The following ACSM2A variants were observed in gnomAD, a reference collection of about 807,000 sequenced individuals.
ACSM2A encodes the protein acyl-coenzyme A synthetase ACSM2A, mitochondrial.
Under a neutral mutation model 76.6 loss-of-function variants are expected in ACSM2A, and 72 were observed. That is an observed-to-expected ratio of 0.94 (90% CI 0.78 to 1.14). The LOEUF (loss-of-function observed/expected upper bound fraction) is 1.14. Ranked by LOEUF, ACSM2A falls within the 50% of genes most tolerant of loss-of-function variation. The pLI, the probability that ACSM2A is intolerant of heterozygous loss-of-function variation, is 0.00. For missense variants in ACSM2A, 684 were observed against 708.5 expected (o/e 0.97, Z 0.39); for synonymous variants, 249 against 255.9 (o/e 0.97, Z 0.26).
chr16:20,465,437 T>C, intron 2 of ACSM2A, 80 bp from the exon 3 acceptor site: 1 of 1,545,960 alleles, frequency 6.5e-7, no homozygotes, highest in Non-Finnish European at 8.8e-7. Context: ...AGCACCAACT[T>C]GGCAATCCCA....
intron 12 of ACSM2A, chr16:20,482,281 CAG>C (rs1249148092): frequency 6.6e-6 from 1 of 151,842 alleles, no homozygotes; most frequent in Non-Finnish European, 1.5e-5. Flanking sequence ...GTATTTGAAT[CAG>C]AGTCTGATTC....
At chr16:20,479,480 A>G (rs540276403) in intron 10 of ACSM2A, among the ~76,000 whole-genome samples, 1 of 152,294 alleles carries the variant, frequency 6.6e-6, no homozygotes, top group Non-Finnish European at 1.5e-5. Flanking sequence ...TCTACTATGT[A>G]TTGCATGATC....
intron 2 of ACSM2A, 85 bp downstream of exon 2, chr16:20,460,376 G>A (rs1327077289): frequency 3.3e-6 from 5 of 1,499,776 alleles, no homozygotes; most frequent in South Asian, 2.7e-5. Context: ...TATTTGTTAA[G>A]TACTTATTAC....
chr16:20,462,338 T>C (rs1197527762), intron 2 of ACSM2A, among the ~76,000 whole-genome samples: 1 of 152,174 alleles, frequency 6.6e-6, no homozygotes, highest in Non-Finnish European at 1.5e-5. Flanking sequence ...GGGGTTTAGG[T>C]CCCTGAACAA....
chr16:20,465,625 G>A lies in ACSM2A; in HGVS notation c.286G>A (p.Val96Ile), dbSNP rs764727282. ...TGAAAACAGCCAGCAGGCAGCCAAC[G>A]TCCTCTCGGGAGCCTGTGGCCTGCA... ...LSENSQQAAN[V>I]LSGACGLQRG... Residue 96 changes from valine (V) to isoleucine (I), a missense_variant, in exon 3 of 14, where the codon GTC becomes ATC. This residue lies in a region of ACSM2A where 519 missense variants were observed against 549.5 expected (regional missense o/e 0.94). Transcript: ENST00000573854. 2.7e-5 allele frequency: 44 copies of A among 1,613,952 alleles called. No individual in the cohort carries two copies. In the Middle Eastern group the frequency reaches 1.5e-3, roughly 55 times the overall value.
rs1378756176 is a variant in ACSM2A at position 20,483,165 on chromosome 16, G to T, written c.1617G>T (p.Lys539Asn). The T allele has an allele frequency of 6.2e-7, 1 of 1,613,960 alleles. No individual in the cohort carries two copies. Among genetic ancestry groups the T allele is most frequent in the Non-Finnish European group, 8.5e-7 (1 of 1,179,938 alleles). Residue 539 changes from lysine to asparagine, a missense_variant, in exon 13 of 14, where the codon AAG (lysine) becomes AAT (asparagine). Transcript: ENST00000573854. ...TGAAGTCAGTGACAGCCCCATACAA[G>T]TACCCAAGAAAGGTAAGGCCTTTGA... is the stretch of plus-strand genomic sequence containing the variant. Reference protein sequence around the residue: ...QHVKSVTAPYKYPRKIEFVLN... With the variant: ...QHVKSVTAPYNYPRKIEFVLN...
intron 4 of ACSM2A, chr16:20,470,784 C>G (rs1399600272): frequency 3.4e-6 from 2 of 584,550 alleles, no homozygotes; most frequent in Non-Finnish European, 6.4e-6. Flanking sequence ...GTAGAGATAA[C>G]TCTATAAGAC....
intron 1 of ACSM2A, among the ~76,000 whole-genome samples, chr16:20,457,882 G>C (rs9923452): frequency 0.36 from 54,520 of 151,730 alleles, 10,940 homozygotes; most frequent in East Asian, 0.78. Context: ...TACAGTAGCT[G>C]TTTGCTGTTA....
intron 8 of ACSM2A, chr16:20,477,112 G>C: frequency 4.1e-6 from 2 of 485,910 alleles, no homozygotes; most frequent in East Asian, 4.2e-5. Context: ...CCCCCTAAAA[G>C]AGATTATAAT....
chr16:20,473,045 C>A (rs1428897401), intron 6 of ACSM2A, among the ~76,000 whole-genome samples: 1 of 152,102 alleles, frequency 6.6e-6, no homozygotes, highest in East Asian at 1.9e-4. Context: ...TGAAAATGAC[C>A]TCATTTTGCT....
At chr16:20,464,093 A>G (rs1466334384) in intron 2 of ACSM2A, among the ~76,000 whole-genome samples, 1 of 152,188 alleles carries the variant, frequency 6.6e-6, no homozygotes. Flanking sequence ...CCTTATTTGC[A>G]TTTGAAATCT....
At chr16:20,469,800 A>C in intron 4 of ACSM2A, 81 bp downstream of exon 4, 1 of 1,546,132 alleles carries the variant, frequency 6.5e-7, no homozygotes. Flanking sequence ...TGCTTTATTG[A>C]GGAGGTGCAG....
Position 20,483,139 on chromosome 16 carries a change from G to A in ACSM2A, c.1591G>A (p.Val531Met). 2 of 1,614,080 alleles carry A rather than the reference G, an allele frequency of 1.2e-6. No homozygotes were observed. The highest frequency in any genetic ancestry group is 1.7e-6 in the Non-Finnish European group (2 of 1,179,984). ...GCTCACCAAGGAGCTGCAGCAGCATGTGAAGTCAGTGACAGCCCCATACAA... is the reference window on the plus strand; with the variant it reads ...GCTCACCAAGGAGCTGCAGCAGCATATGAAGTCAGTGACAGCCCCATACAA... ...EQLTKELQQHVKSVTAPYKYP... is the reference protein window; with the variant it reads ...EQLTKELQQHMKSVTAPYKYP... Residue 531 changes from valine to methionine, a missense_variant, in exon 13 of 14, where the codon GTG becomes ATG. Physicochemically the swap from Val to Met is conservative, Grantham distance 21 (BLOSUM62 1). Transcript: ENST00000573854.
intron 13 of ACSM2A, among the ~76,000 whole-genome samples, chr16:20,486,003 G>A (rs1201328396): frequency 6.6e-6 from 1 of 152,166 alleles, no homozygotes. Flanking sequence ...TTATAGTTTT[G>A]CTTAGGGTAC....
intron 2 of ACSM2A, among the ~76,000 whole-genome samples, chr16:20,464,412 T>C (rs1910803): frequency 0.4 from 60,634 of 151,930 alleles, 13,915 homozygotes; most frequent in East Asian, 0.79. Context: ...GCACAGTGTA[T>C]AGGAAGTGTG....
rs111794923 is a variant in ACSM2A at position 20,470,001 on chromosome 16, C to G, written c.596+282C>G. Among the ~76,000 whole-genome samples, 164 of 150,354 alleles carry G rather than the reference C, an allele frequency of 1.1e-3. 1 individual carries two copies. The highest frequency in any genetic ancestry group is 3.7e-3 in the African/African-American group (152 of 40,988). ...CTCTAAAGGATTGAAAAGCACTGAT[C>G]CATTAGCATCTGGTCCCCACAGGTT... On this transcript the variant is annotated intron_variant, in intron 4 of 13. Transcript: ENST00000573854.
intron 3 of ACSM2A, among the ~76,000 whole-genome samples, chr16:20,466,603 G>A (rs1421014754): frequency 6.6e-6 from 1 of 152,240 alleles, no homozygotes; most frequent in Non-Finnish European, 1.5e-5. Flanking sequence ...AAGGGGCTAA[G>A]GAATAGTAAA....
chr16:20,462,578 G>A (rs1318745904), intron 2 of ACSM2A, among the ~76,000 whole-genome samples: 2 of 152,078 alleles, frequency 1.3e-5, no homozygotes, highest in Non-Finnish European at 2.9e-5. Context: ...TAATAAAATT[G>A]CTGACATGTT....
At chr16:20,455,440 G>T (rs1256048834) in intron 1 of ACSM2A, among the ~76,000 whole-genome samples, 1 of 151,422 alleles carries the variant, frequency 6.6e-6, no homozygotes, top group Non-Finnish European at 1.5e-5. Context: ...CAGATTAACA[G>T]CAGATTTCTC....
Sources: allele counts gnomAD v4.1 joint callset (sites outside exome capture counted in the v4.1 genomes callset), GRCh38; gene constraint gnomAD v4.1.1; regional missense constraint gnomAD v4.1.1; transcripts MANE v1.5; gene names NCBI Gene and HGNC (gene_info 2026-07-23, HGNC 2026-07-21).